NBAS: variants seen among roughly 807,000 people sequenced by gnomAD.
NBAS encodes the protein NBAS subunit of NRZ tethering complex.
In NBAS, 219 loss-of-function variants were observed where a neutral mutation model predicts 302.5. That is an observed-to-expected ratio of 0.72 (90% CI 0.65 to 0.81). The LOEUF (loss-of-function observed/expected upper bound fraction) is 0.81. NBAS is among the 30% of genes least tolerant of loss of function. The probability of loss-of-function intolerance (pLI) is 0.00; values close to 1 mark genes in which losing one functional copy is unlikely to be tolerated. For synonymous variants in NBAS, 1,118 were observed against 1,021.6 expected, an observed-to-expected ratio of 1.09 and a Z score of -1.80; for missense variants, 2,932 against 2,841.6, an observed-to-expected ratio of 1.03 and a Z score of -0.72.
chr2:15,108,494 C>T, the NBAS span, among the ~76,000 whole-genome samples: 6 of 152,046 alleles, frequency 3.9e-5, no homozygotes, highest in African/African-American at 1.4e-4. Context: ...TGATGTTAAA[C>T]CCAAGAAAAG....
At chr2:15,492,722 A>G (rs1247536352) in intron 11 of NBAS, among the ~76,000 whole-genome samples, 1 of 152,110 alleles carries the variant, frequency 6.6e-6, no homozygotes, top group Non-Finnish European at 1.5e-5. Context: ...CGGCCTCCCA[A>G]AGTGTTGAGA....
the NBAS span, among the ~76,000 whole-genome samples, chr2:15,040,823 G>C: frequency 1.3e-5 from 2 of 152,190 alleles, no homozygotes; most frequent in African/African-American, 2.4e-5. Flanking sequence ...AAGTCATTCC[G>C]TGACAGTTAA....
At chr2:15,091,892 G>T in the NBAS span, among the ~76,000 whole-genome samples, 1 of 152,076 alleles carries the variant, frequency 6.6e-6, no homozygotes, top group Admixed American at 6.6e-5. Context: ...GTAAGGATAC[G>T]GTATATAATA....
At chr2:15,312,566 C>T (rs1050008610) in intron 38 of NBAS, among the ~76,000 whole-genome samples, 4 of 152,124 alleles carry the variant, frequency 2.6e-5, no homozygotes, top group African/African-American at 9.7e-5. Flanking sequence ...CATGAGCTAC[C>T]ATGCCCAGTC....
At chr2:14,814,855 T>A in the NBAS span, among the ~76,000 whole-genome samples, 11 of 152,202 alleles carry the variant, frequency 7.2e-5, no homozygotes, top group Non-Finnish European at 1.5e-4. Flanking sequence ...ACCTTGAGTG[T>A]TGCAGGTGGG....
chr2:15,330,071 A>G (rs1192414570), intron 36 of NBAS, among the ~76,000 whole-genome samples: 1 of 152,212 alleles, frequency 6.6e-6, no homozygotes, highest in Non-Finnish European at 1.5e-5. Context: ...AATGAGATGC[A>G]CATGGAGTGT....
At chr2:15,394,013 CT>C (rs1432845970) in intron 28 of NBAS, among the ~76,000 whole-genome samples, 1 of 152,050 alleles carries the variant, frequency 6.6e-6, no homozygotes, top group African/African-American at 2.4e-5. Flanking sequence ...AATCAAAAAA[CT>C]TTCAGGGGTA....
chr2:15,543,346 T>TA (rs1314607604), intron 6 of NBAS, among the ~76,000 whole-genome samples: 1 of 152,192 alleles, frequency 6.6e-6, no homozygotes, highest in African/African-American at 2.4e-5. Context: ...AGCACTTCCT[T>TA]AGAAGGCATT....
At chr2:14,991,966 C>T in the NBAS span, among the ~76,000 whole-genome samples, 5 of 152,072 alleles carry the variant, frequency 3.3e-5, no homozygotes, top group Admixed American at 6.5e-5. Context: ...CTGGAGGTTA[C>T]GGAGGAGGAG....
At chr2:15,031,625 C>T in the NBAS span, among the ~76,000 whole-genome samples, 1 of 152,146 alleles carries the variant, frequency 6.6e-6, no homozygotes, top group Non-Finnish European at 1.5e-5. Context: ...CAACTCCAGC[C>T]TAGTAAGAGG....
intron 3 of NBAS, among the ~76,000 whole-genome samples, chr2:15,555,001 G>T (rs1227230490): frequency 3.3e-5 from 5 of 151,434 alleles, no homozygotes; most frequent in Admixed American, 1.3e-4. Context: ...AAGAAATCAA[G>T]AAAACAGATG....
chr2:15,501,847 C>T (rs1282729566), intron 11 of NBAS, among the ~76,000 whole-genome samples: 5 of 151,918 alleles, frequency 3.3e-5, no homozygotes, highest in East Asian at 1.9e-4. Flanking sequence ...ACTGCAGCCT[C>T]GACCTCCTGG....
chr2:14,999,460 A>T, the NBAS span, among the ~76,000 whole-genome samples: 1 of 152,020 alleles, frequency 6.6e-6, no homozygotes, highest in African/African-American at 2.4e-5. Flanking sequence ...GTGGGAGGTG[A>T]TTGCGTCATG....
chr2:15,449,883 T>G (rs531450490), intron 21 of NBAS, among the ~76,000 whole-genome samples: 7 of 152,284 alleles, frequency 4.6e-5, no homozygotes, highest in African/African-American at 1.7e-4. Flanking sequence ...CATTTTATTG[T>G]TTTTTCCTCA....
At chr2:14,800,785 G>GTTTTTTT in the NBAS span, among the ~76,000 whole-genome samples, 11 of 129,496 alleles carry the variant, frequency 8.5e-5, no homozygotes, top group African/African-American at 2.6e-4. Flanking sequence ...GATTTAAATT[G>GTTTTTTT]TTTTTGTTTT....
chr2:15,000,343 T>C, the NBAS span, among the ~76,000 whole-genome samples: 2 of 152,160 alleles, frequency 1.3e-5, no homozygotes, highest in Non-Finnish European at 2.9e-5. Context: ...CAGTTTTCAA[T>C]ACATAAAACC....
At chr2:14,877,607 C>A in the NBAS span, among the ~76,000 whole-genome samples, 4 of 152,030 alleles carry the variant, frequency 2.6e-5, no homozygotes, top group East Asian at 7.7e-4. Flanking sequence ...CTTCTTTAGG[C>A]CTGGGGAGTT....
chr2:14,850,264 G>A, the NBAS span, among the ~76,000 whole-genome samples: 2 of 127,768 alleles, frequency 1.6e-5, no homozygotes, highest in East Asian at 1.9e-4. Context: ...ACAAAAAAAG[G>A]CAGGGGTTGC....
chr2:15,523,733 G>A (rs1196236944), intron 9 of NBAS, among the ~76,000 whole-genome samples: 1 of 152,134 alleles, frequency 6.6e-6, no homozygotes, highest in Non-Finnish European at 1.5e-5. Flanking sequence ...GGCCAACTTG[G>A]TGAACCGCTG....
Sources: gnomAD v4.1 joint callset for allele counts (sites outside exome capture counted in the v4.1 genomes callset) on GRCh38, gnomAD v4.1.1 for gene constraint, MANE v1.5 for transcripts, NCBI Gene and HGNC (gene_info 2026-07-23, HGNC 2026-07-21) for gene names.